POU2F1: variants seen among roughly 807,000 people sequenced by gnomAD.
The protein encoded by POU2F1 is POU class 2 homeobox 1.
Under a neutral mutation model 84.9 loss-of-function variants are expected in POU2F1, and 16 were observed. That is an observed-to-expected ratio of 0.19 (90% confidence interval 0.13 to 0.29). POU2F1 has a LOEUF of 0.29. Ranked by LOEUF, POU2F1 falls within the 10% of genes least tolerant of loss-of-function variation. POU2F1 has a pLI of 1.00. For missense variants in POU2F1, 738 were observed against 942.6 expected, an observed-to-expected ratio of 0.78 and a Z score of 2.84; for synonymous variants, 368 against 368.3, an observed-to-expected ratio of 1.00 and a Z score of 0.01.
rs974546780 is a variant in POU2F1 at position 167,259,884 on chromosome 1, C to CT, written c.61+38938dup. Reference sequence around the variant, plus strand: ...CATATGCTTATTGATCATTGCGTTTCTTTTTTTTTTTTGAGACAGAGTCTC... The same window carrying CT: ...CATATGCTTATTGATCATTGCGTTTCTTTTTTTTTTTTTGAGACAGAGTCTC... On this transcript the variant is annotated intron_variant, in intron 1 of 15. Coordinates refer to ENST00000367866, the MANE Select transcript of POU2F1 (RefSeq NM_002697.4). 3.1e-3 allele frequency among the ~76,000 whole-genome samples: 457 copies of CT among 145,096 alleles called. 7 individuals carry two copies. Among genetic ancestry groups the CT allele is most frequent in the Admixed American group, 7.8e-3 (114 of 14,530 alleles).
intron 13 of POU2F1, 30 bp from the exon 14 acceptor site, chr1:167,411,929 G>C: frequency 1.3e-6 from 2 of 1,570,806 alleles, no homozygotes; most frequent in Non-Finnish European, 1.7e-6. Flanking sequence ...ATTTACAAAA[G>C]GTCATCTTCT....
At chr1:167,223,690 CTTCT>C (rs1648409972) in intron 1 of POU2F1, among the ~76,000 whole-genome samples, 1 of 151,946 alleles carries the variant, frequency 6.6e-6, no homozygotes, top group South Asian at 2.1e-4. Context: ...CACCATTTTT[CTTCT>C]TTCACTCACA....
chr1:167,317,886 G>A (rs538623386), intron 1 of POU2F1, among the ~76,000 whole-genome samples: 1 of 152,340 alleles, frequency 6.6e-6, no homozygotes, highest in African/African-American at 2.4e-5. Flanking sequence ...AAAAGCAAAG[G>A]TGGCTTTATC....
At chr1:167,288,264 T>G (rs964717516) in intron 1 of POU2F1, among the ~76,000 whole-genome samples, 1 of 151,160 alleles carries the variant, frequency 6.6e-6, no homozygotes, top group African/African-American at 2.5e-5. Context: ...AGATATATTA[T>G]TCACCAGTTT....
intron 2 of POU2F1, among the ~76,000 whole-genome samples, chr1:167,337,123 A>T (rs1400225222): frequency 2.0e-5 from 3 of 150,998 alleles, no homozygotes; most frequent in Non-Finnish European, 4.4e-5. Flanking sequence ...AGATTGGGCC[A>T]TTGCACTCCA....
chr1:167,319,141 T>G (rs888544836), intron 1 of POU2F1: 3 of 153,336 alleles, frequency 2.0e-5, no homozygotes, highest in African/African-American at 7.3e-5. Context: ...AACCAGGGGG[T>G]TTTTGGGATC....
chr1:167,269,255 CCTG>C (rs1652191556), intron 1 of POU2F1, among the ~76,000 whole-genome samples: 1 of 152,200 alleles, frequency 6.6e-6, no homozygotes, highest in South Asian at 2.1e-4. Context: ...TTGAAATTAG[CCTG>C]CTAATTGTAA....
chr1:167,239,412 A>G (rs1485147647), intron 1 of POU2F1, among the ~76,000 whole-genome samples: 3 of 152,230 alleles, frequency 2.0e-5, no homozygotes, highest in Admixed American at 2.0e-4. Context: ...CCACTGCTTT[A>G]CAAGAGTAAA....
At chr1:167,377,002 A>G (rs573521468) in intron 7 of POU2F1, among the ~76,000 whole-genome samples, 2 of 152,238 alleles carry the variant, frequency 1.3e-5, no homozygotes, top group Non-Finnish European at 2.9e-5. Context: ...AAGTCTTCAC[A>G]GTGAATTTGG....
chr1:167,329,274 C>G (rs996872215), intron 1 of POU2F1: 4 of 1,548,284 alleles, frequency 2.6e-6, no homozygotes, highest in Non-Finnish European at 2.6e-6. Context: ...GAAGATTTCA[C>G]AGCAATGCTG....
chr1:167,384,312 ACTG>A (rs1189295108), intron 8 of POU2F1, among the ~76,000 whole-genome samples: 2 of 152,094 alleles, frequency 1.3e-5, no homozygotes, highest in Non-Finnish European at 2.9e-5. Context: ...TTTCTCAGAA[ACTG>A]CTAAGAGATT....
rs1395773122 is a variant in POU2F1 at position 167,415,751 on chromosome 1, A to T, written c.2242A>T (p.Thr748Ser). 7 of 1,614,088 alleles carry T rather than the reference A, an allele frequency of 4.3e-6. No individual in the cohort carries two copies. The South Asian group carries it at 7.7e-5, about 18-fold the overall frequency. The change falls in exon 16 of 16, where the codon ACA becomes TCA. Residue 748 changes from threonine (T) to serine (S), a missense_variant. By Grantham distance (58) the Thr-to-Ser change is moderately conservative. This residue lies in a region of POU2F1 where 319 missense variants were observed against 386.0 expected (regional missense o/e 0.83). Transcript: ENST00000367866. ...SAESIQNSLF[T>S]VASASGAAST... ...TGAGTCCATCCAGAACTCTCTCTTC[A>T]CAGTGGCCTCTGCCAGCGGGGCTGC...
chr1:167,397,710 T>C (rs933939238), intron 10 of POU2F1, among the ~76,000 whole-genome samples: 2 of 152,086 alleles, frequency 1.3e-5, no homozygotes, highest in Non-Finnish European at 2.9e-5. Context: ...TGTGCCCAGC[T>C]AATTTTTGTA....
At chr1:167,306,053 G>A (rs972979347) in intron 1 of POU2F1, among the ~76,000 whole-genome samples, 5 of 152,158 alleles carry the variant, frequency 3.3e-5, no homozygotes, top group South Asian at 2.1e-4. Flanking sequence ...TTGTTTGAAC[G>A]GTCAACTTGT....
intron 3 of POU2F1, among the ~76,000 whole-genome samples, chr1:167,367,255 C>G (rs1659740220): frequency 6.6e-6 from 1 of 152,152 alleles, no homozygotes; most frequent in South Asian, 2.1e-4. Flanking sequence ...CCTTTCCTTA[C>G]CATAATTATA....
At chr1:167,386,195 T>G (rs1397738730) in intron 8 of POU2F1, among the ~76,000 whole-genome samples, 1 of 152,092 alleles carries the variant, frequency 6.6e-6, no homozygotes, top group African/African-American at 2.4e-5. Flanking sequence ...CAGTTTCTTT[T>G]TGGGGGGGTG....
chr1:167,236,883 G>A (rs947360895), intron 1 of POU2F1, among the ~76,000 whole-genome samples: 22 of 152,120 alleles, frequency 1.4e-4, no homozygotes, highest in African/African-American at 5.3e-4. Flanking sequence ...TAATTTTTAA[G>A]TCAAATATAT....
At position 167,274,748 on chromosome 1, in the gene POU2F1, TCA is replaced by T. The variant is rs576545881; in HGVS notation, c.61+53791_61+53792del. ...GTTTGGTTGTCATTTGTTCATATAT[TCA>T]GTTTTCTGGACAAACCATGAATTAT... On this transcript the variant is annotated intron_variant, in intron 1 of 15. Coordinates refer to ENST00000367866, the MANE Select transcript of POU2F1 (RefSeq NM_002697.4). Among the ~76,000 whole-genome samples, 18 of 152,300 alleles carry T rather than the reference TCA, an allele frequency of 1.2e-4. No homozygotes were observed. The South Asian group carries it at 3.7e-3, about 32-fold the overall frequency.
intron 1 of POU2F1, among the ~76,000 whole-genome samples, chr1:167,256,033 GTGT>G (rs980399313): frequency 7.2e-5 from 11 of 152,134 alleles, no homozygotes; most frequent in African/African-American, 2.7e-4. Context: ...ATTCAGGATT[GTGT>G]TCCCCTAGTT....
Sources: gnomAD v4.1 joint callset for allele counts (sites outside exome capture counted in the v4.1 genomes callset) on GRCh38, gnomAD v4.1.1 for gene constraint, gnomAD v4.1.1 regional missense constraint, MANE v1.5 for transcripts, NCBI Gene and HGNC (gene_info 2026-07-23, HGNC 2026-07-21) for gene names.